The following DAB1 variants were observed in gnomAD, a reference collection of about 807,000 sequenced individuals.
DAB1 encodes disabled homolog 1.
In DAB1, 15 loss-of-function variants were observed where a neutral mutation model predicts 64.6. The observed-to-expected ratio is 0.23, with a 90% CI of 0.16 to 0.36. DAB1 has a LOEUF of 0.36. Among genes scored for constraint, DAB1 ranks in the 10% least tolerant of loss-of-function variants. DAB1 has a pLI of 1.00. For synonymous variants in DAB1, 235 were observed against 251.9 expected (o/e 0.93, Z 0.64); for missense variants, 596 against 706.7 (o/e 0.84, Z 1.78).
intron 1 of DAB1, among the ~76,000 whole-genome samples, chr1:58,537,360 A>T (rs914561387): frequency 1.3e-5 from 2 of 152,210 alleles, no homozygotes; most frequent in African/African-American, 4.8e-5. Flanking sequence ...TGATTCCACA[A>T]GGTACAAGGG....
intron 4 of DAB1, among the ~76,000 whole-genome samples, chr1:57,092,604 C>A (rs1570676488): frequency 6.7e-6 from 1 of 148,726 alleles, no homozygotes; most frequent in East Asian, 2.0e-4. Context: ...GTCAATGAAA[C>A]CTCCTTCTTT....
chr1:57,533,030 G>A (rs1470878083), intron 7 of DAB1, among the ~76,000 whole-genome samples: 4 of 152,000 alleles, frequency 2.6e-5, no homozygotes, highest in African/African-American at 9.7e-5. Context: ...CAGTTCATGA[G>A]GGACACAGCT....
At position 57,508,058 on chromosome 1, in the gene DAB1, G is replaced by A. The variant is rs2691436; in HGVS notation, n.625+141534C>T. Among the ~76,000 whole-genome samples the A allele has an allele frequency of 8.0e-3, 1,211 of 152,262 alleles. 20 individuals are homozygous for A. Among genetic ancestry groups the A allele is most frequent in the African/African-American group, 0.024 (1,006 of 41,542 alleles). On this transcript the variant is annotated intron_variant and non_coding_transcript_variant, in intron 7 of 20. Coordinates refer to the DAB1 transcript ENST00000485760. Reference sequence around the variant, plus strand: ...TTTAACCAGCTCCCTGCATAATTCCGAGGATGGTCTGAGGACCACACTTTG... The same window carrying A: ...TTTAACCAGCTCCCTGCATAATTCCAAGGATGGTCTGAGGACCACACTTTG...
chr1:57,683,302 C>A (rs1394871746), intron 6 of DAB1, among the ~76,000 whole-genome samples: 1 of 152,146 alleles, frequency 6.6e-6, no homozygotes, highest in Non-Finnish European at 1.5e-5. Context: ...CAACCTGGCA[C>A]ACTAACAAAA....
intron 6 of DAB1, among the ~76,000 whole-genome samples, chr1:57,783,263 C>T (rs533746907): frequency 1.3e-5 from 2 of 151,970 alleles, no homozygotes; most frequent in East Asian, 3.9e-4. Context: ...GCATGTGCCA[C>T]CACTCATGCC....
At chr1:57,028,999 C>T (rs1646881299) in intron 9 of DAB1, among the ~76,000 whole-genome samples, 1 of 152,182 alleles carries the variant, frequency 6.6e-6, no homozygotes, top group African/African-American at 2.4e-5. Context: ...AATGTTTATT[C>T]CCACAATCAT....
At chr1:58,002,270 C>T (rs1646517512) in intron 5 of DAB1, among the ~76,000 whole-genome samples, 1 of 152,126 alleles carries the variant, frequency 6.6e-6, no homozygotes. Flanking sequence ...AGTCTGTGAC[C>T]CCTTCCTTAA....
At chr1:58,168,453 G>T (rs547428099) in intron 4 of DAB1, among the ~76,000 whole-genome samples, 1 of 151,964 alleles carries the variant, frequency 6.6e-6, no homozygotes, top group East Asian at 1.9e-4. Context: ...ACTTCCTCTC[G>T]TCTCTCTTCT....
intron 4 of DAB1, among the ~76,000 whole-genome samples, chr1:58,291,543 T>C (rs1236083009): frequency 1.3e-5 from 2 of 152,112 alleles, no homozygotes; most frequent in Non-Finnish European, 2.9e-5. Flanking sequence ...AACAGAGAAA[T>C]TTTCTCTCTT....
chr1:57,597,692 T>A (rs898291959), intron 7 of DAB1, among the ~76,000 whole-genome samples: 2 of 152,232 alleles, frequency 1.3e-5, no homozygotes, highest in Non-Finnish European at 2.9e-5. Context: ...TCAGGCATGA[T>A]CTCATTGGGT....
At position 57,725,845 on chromosome 1, in the gene DAB1, G is replaced by A. The variant is rs530841401; in HGVS notation, n.552-76180C>T. Among the ~76,000 whole-genome samples, 7 of 151,946 alleles carry A rather than the reference G, an allele frequency of 4.6e-5. No individual in the cohort carries two copies. In the East Asian group the frequency reaches 7.8e-4, roughly 17 times the overall value. On this transcript the variant is annotated intron_variant and non_coding_transcript_variant, in intron 6 of 20. Coordinates refer to the DAB1 transcript ENST00000485760. ...CAGCTTACTGCAACCTCTGTCTCCC[G>A]GGTTCAAGCAATTCTCCTGCCTCAG...
intron 1 of DAB1, among the ~76,000 whole-genome samples, chr1:57,293,036 T>A (rs1672906635): frequency 6.6e-6 from 1 of 152,048 alleles, no homozygotes; most frequent in African/African-American, 2.4e-5. Flanking sequence ...GTAGAATGAA[T>A]GAATGAATGA....
intron 6 of DAB1, among the ~76,000 whole-genome samples, chr1:57,695,396 GA>G (rs1289203374): frequency 2.3e-3 from 193 of 83,594 alleles, no homozygotes; most frequent in East Asian, 8.0e-3. Flanking sequence ...AAGAAAGAAA[GA>G]AAGAAAGAAA....
chr1:57,686,889 A>G (rs1363545614), intron 6 of DAB1, among the ~76,000 whole-genome samples: 1 of 152,186 alleles, frequency 6.6e-6, no homozygotes, highest in African/African-American at 2.4e-5. Context: ...GCATCAAAGG[A>G]ACATACCTCA....
intron 6 of DAB1, among the ~76,000 whole-genome samples, chr1:57,686,319 A>G (rs911831415): frequency 6.6e-6 from 1 of 152,206 alleles, no homozygotes; most frequent in Non-Finnish European, 1.5e-5. Context: ...AAATTCCTAG[A>G]AACACACAAC....
intron 1 of DAB1, chr1:58,538,644 C>A: frequency 2.1e-6 from 1 of 480,070 alleles, no homozygotes; most frequent in South Asian, 4.6e-5. Context: ...TCACTTTGAG[C>A]TAAATGGGGG....
intron 5 of DAB1, among the ~76,000 whole-genome samples, chr1:57,932,605 A>G (rs774018248): frequency 6.6e-6 from 1 of 151,688 alleles, no homozygotes; most frequent in African/African-American, 2.4e-5. Context: ...TATCTTATGT[A>G]GTTTGATATT....
At chr1:58,307,943 G>A (rs1218332941) in intron 4 of DAB1, among the ~76,000 whole-genome samples, 1 of 152,076 alleles carries the variant, frequency 6.6e-6, no homozygotes. Context: ...GGACACAGGA[G>A]GCCATCACGG....
intron 6 of DAB1, among the ~76,000 whole-genome samples, chr1:57,760,618 T>C (rs1649035334): frequency 8.7e-6 from 1 of 115,584 alleles, no homozygotes. Flanking sequence ...TCTCTCTCTC[T>C]CTCACACACA....
Sources: gnomAD v4.1 joint callset for allele counts (sites outside exome capture counted in the v4.1 genomes callset) on GRCh38, gnomAD v4.1.1 for gene constraint, MANE v1.5 for transcripts, NCBI Gene and HGNC (gene_info 2026-07-23, HGNC 2026-07-21) for gene names.